Variants in TPST2 observed in about 807,000 individuals in gnomAD.
TPST2 encodes protein-tyrosine sulfotransferase 2.
TPST2 carries 16 observed loss-of-function variants against 27.8 expected under a neutral mutation model. The ratio of observed to expected loss-of-function variants is 0.58; its 90% CI spans 0.39 to 0.88. The LOEUF is 0.88. Ranked by LOEUF, TPST2 falls within the 40% of genes least tolerant of loss-of-function variation. The probability of loss-of-function intolerance (pLI) is 0.00; values close to 1 mark genes in which losing one functional copy is unlikely to be tolerated. For missense variants in TPST2, 464 were observed against 543.1 expected (o/e 0.85, Z 1.45); for synonymous variants, 229 against 231.7 (o/e 0.99, Z 0.10).
chr22:26,552,032 C>T (rs1926511992), intron 1 of TPST2, among the ~76,000 whole-genome samples: 1 of 151,632 alleles, frequency 6.6e-6, no homozygotes, highest in Non-Finnish European at 1.5e-5. Flanking sequence ...TAGTGCACCA[C>T]CATGCCCGGC....
At chr22:26,569,498 G>A (rs200728164) in intron 1 of TPST2, among the ~76,000 whole-genome samples, 5 of 152,112 alleles carry the variant, frequency 3.3e-5, no homozygotes, top group South Asian at 2.1e-4. Context: ...TAGTCTTAAC[G>A]AATCACACTT....
At chr22:26,561,152 T>C (rs779536963) in intron 1 of TPST2, 21 of 1,601,252 alleles carry the variant, frequency 1.3e-5, no homozygotes, top group Non-Finnish European at 1.8e-5. Flanking sequence ...ATGAAGAAGA[T>C]GATGAATAAG....
chr22:26,527,772 G>A (rs911120719), intron 6 of TPST2, among the ~76,000 whole-genome samples: 10 of 152,174 alleles, frequency 6.6e-5, no homozygotes, highest in Non-Finnish European at 1.0e-4. Context: ...CTGGCCCAAC[G>A]GCCATGGGGG....
intron 1 of TPST2, among the ~76,000 whole-genome samples, chr22:26,583,116 A>G (rs891114046): frequency 7.1e-6 from 1 of 140,678 alleles, no homozygotes; most frequent in Non-Finnish European, 1.5e-5. Context: ...CATCTCAAAA[A>G]GGAAAAAAAA....
At chr22:26,551,247 C>T (rs1329505305) in intron 1 of TPST2, among the ~76,000 whole-genome samples, 1 of 152,200 alleles carries the variant, frequency 6.6e-6, no homozygotes, top group Non-Finnish European at 1.5e-5. Flanking sequence ...GATCACACCA[C>T]TGCACTCCAA....
chr22:26,574,168 G>T (rs1377451113), intron 1 of TPST2, among the ~76,000 whole-genome samples: 1 of 152,134 alleles, frequency 6.6e-6, no homozygotes, highest in Non-Finnish European at 1.5e-5. Context: ...AATGCCATGG[G>T]GAGAGTCCCT....
chr22:26,553,419 T>A (rs946794879), intron 1 of TPST2, among the ~76,000 whole-genome samples: 3 of 151,388 alleles, frequency 2.0e-5, no homozygotes, highest in Non-Finnish European at 2.9e-5. Context: ...TCTCAAAGGC[T>A]GGAGTGCAGT....
intron 4 of TPST2, among the ~76,000 whole-genome samples, chr22:26,535,620 A>G (rs371056369): frequency 2.3e-4 from 35 of 152,174 alleles, no homozygotes; most frequent in African/African-American, 7.5e-4. Flanking sequence ...CTTTATAAAA[A>G]TTAAAATTAG....
At chr22:26,557,397 G>A (rs891229801) in intron 1 of TPST2, among the ~76,000 whole-genome samples, 1 of 152,196 alleles carries the variant, frequency 6.6e-6, no homozygotes, top group Non-Finnish European at 1.5e-5. Context: ...TCTTACTAGC[G>A]ATGCTGCTGT....
intron 1 of TPST2, among the ~76,000 whole-genome samples, chr22:26,554,363 C>T (rs1186619618): frequency 6.6e-6 from 1 of 152,146 alleles, no homozygotes; most frequent in Non-Finnish European, 1.5e-5. Flanking sequence ...ACACAGAGGG[C>T]CCCTGCCTGG....
rs538057078 is a variant in TPST2, at chr22:26,553,556, A to T, written c.-160-8881T>A. On this transcript the variant is annotated intron_variant, in intron 1 of 6. Transcript: ENST00000338754. Reference sequence around the variant, plus strand: ...CCCAGTTAATTTTTTATTTTTGTGGAGACGGGGTCTCACTATGTTGCCCAG... The same window carrying T: ...CCCAGTTAATTTTTTATTTTTGTGGTGACGGGGTCTCACTATGTTGCCCAG... 2.0e-5 allele frequency among the ~76,000 whole-genome samples: 3 copies of T among 152,112 alleles called. No individual in the cohort carries two copies. The South Asian group carries it at 6.2e-4, about 32-fold the overall frequency.
intron 1 of TPST2, among the ~76,000 whole-genome samples, chr22:26,586,318 G>A (rs1417160832): frequency 1.3e-5 from 2 of 152,094 alleles, no homozygotes; most frequent in African/African-American, 4.8e-5. Context: ...GAGTGCAGTG[G>A]TGCAATCTCA....
intron 6 of TPST2, among the ~76,000 whole-genome samples, chr22:26,527,125 T>C (rs1181017937): frequency 1.3e-5 from 2 of 152,190 alleles, no homozygotes; most frequent in African/African-American, 2.4e-5. Flanking sequence ...ATGGGAACCC[T>C]AATAATGACA....
intron 1 of TPST2, among the ~76,000 whole-genome samples, chr22:26,584,332 C>T (rs1400641633): frequency 2.0e-5 from 3 of 152,158 alleles, no homozygotes; most frequent in Admixed American, 2.0e-4. Context: ...CTGGACTTTA[C>T]AGGCCAAGAG....
chr22:26,526,580 G>C (rs562289805), intron 6 of TPST2, among the ~76,000 whole-genome samples: 6 of 152,180 alleles, frequency 3.9e-5, no homozygotes, highest in Non-Finnish European at 7.3e-5. Context: ...GTTTGTTCAA[G>C]GCCAACTCTG....
At chr22:26,568,372 GGCTGAGACCT>G (rs771100988) in intron 1 of TPST2, among the ~76,000 whole-genome samples, 3 of 152,206 alleles carry the variant, frequency 2.0e-5, no homozygotes, top group Non-Finnish European at 4.4e-5. Context: ...GGGTAAATGA[GGCTGAGACCT>G]GCTGGGTTGC....
At chr22:26,578,011 G>A (rs911753122) in intron 1 of TPST2, among the ~76,000 whole-genome samples, 1 of 152,082 alleles carries the variant, frequency 6.6e-6, no homozygotes, top group African/African-American at 2.4e-5. Context: ...GTAGCTGGAG[G>A]AAGGAATATC....
chr22:26,557,549 G>T (rs969934543), intron 1 of TPST2, among the ~76,000 whole-genome samples: 1 of 152,130 alleles, frequency 6.6e-6, no homozygotes, highest in Non-Finnish European at 1.5e-5. Flanking sequence ...GTGGGGAAAG[G>T]AGATTGGCAA....
chr22:26,526,879 A>G (rs1246088742), intron 6 of TPST2, among the ~76,000 whole-genome samples: 1 of 152,106 alleles, frequency 6.6e-6, no homozygotes, highest in African/African-American at 2.4e-5. Context: ...GGAGTTTGAG[A>G]CCAGCCTGGC....
Sources: gnomAD v4.1 joint callset for allele counts (sites outside exome capture counted in the v4.1 genomes callset) on GRCh38, gnomAD v4.1.1 for gene constraint, MANE v1.5 for transcripts, NCBI Gene and HGNC (gene_info 2026-07-23, HGNC 2026-07-21) for gene names.